Variants in MAP10 observed in about 807,000 individuals in gnomAD.
MAP10 encodes microtubule-associated protein 10.
Under a neutral mutation model 6.3 loss-of-function variants are expected in MAP10, and 10 were observed. That is an observed-to-expected ratio of 1.58 (90% CI 0.98 to 2.69). The LOEUF (loss-of-function observed/expected upper bound fraction) is 2.69. MAP10 is among the 30% of genes most tolerant of loss of function. The probability of loss-of-function intolerance (pLI) is 0.00; values close to 1 mark genes in which losing one functional copy is unlikely to be tolerated. For missense variants in MAP10, 1,189 were observed against 1,086.5 expected (o/e 1.09, Z -1.33); for synonymous variants, 459 against 429.3 (o/e 1.07, Z -0.86).
In MAP10 at chr1:232,808,196, G is replaced by T; in HGVS notation, c.*29G>T. 1.4e-6 allele frequency: 2 copies of T among 1,469,302 alleles called. No homozygotes were observed. Among genetic ancestry groups the T allele is most frequent in the South Asian group, 3.0e-5 (2 of 67,718 alleles). 91.0% of individuals were successfully genotyped at this position (1,469,302 alleles called of 1,614,324 possible). A position where few individuals can be genotyped will look rare whatever the true frequency, so the allele number is the denominator to read the frequency against. Reference sequence around the variant, plus strand: ...TACATGCTTTTAAAAAACTTTCAAGGACCTATGTGTACTGTTAGTGAAAAA... The same window carrying T: ...TACATGCTTTTAAAAAACTTTCAAGTACCTATGTGTACTGTTAGTGAAAAA... On this transcript the variant is annotated 3_prime_UTR_variant, in exon 1 of 1. Coordinates refer to ENST00000418460, the MANE Select transcript of MAP10 (RefSeq NM_019090.3).
In MAP10 at chr1:232,806,185, T is replaced by A. The variant is rs1051817655; in HGVS notation, c.736T>A (p.Leu246Met). Residue 246 changes from leucine to methionine, a missense_variant, in exon 1 of 1, where the codon TTG becomes ATG. Coordinates refer to ENST00000418460, the MANE Select transcript of MAP10 (RefSeq NM_019090.3). ...AGAAATCCCAGAGGCACAGAAGGAT[T>A]TGAAGGAAATGGTTAAAAGTAAGGC... is the stretch of plus-strand genomic sequence containing the variant. ...ELEIPEAQKD[L>M]KEMVKSKAEC... 1 of 1,613,786 alleles carries A rather than the reference T, an allele frequency of 6.2e-7. No homozygotes were observed. Among genetic ancestry groups the A allele is most frequent in the Admixed American group, 1.7e-5 (1 of 59,998 alleles).
Position 232,806,778 on chromosome 1 carries a change from C to G in MAP10, c.1329C>G (p.Cys443Trp), listed in dbSNP as rs1281044149. Residue 443 changes from cysteine to tryptophan, a missense_variant, in exon 1 of 1, where the codon TGC (cysteine) becomes TGG (tryptophan). Physicochemically the swap from Cys to Trp is radical, Grantham distance 215. Transcript: ENST00000418460. The stretch of plus-strand genomic sequence containing the variant: ...CCGAATCTTCTGCCAAATCCACATG[C>G]CGGTCTGAAGCCAAGAAGGATAAGC... ...KSPESSAKST[C>W]RSEAKKDKRS... The G allele has an allele frequency of 1.9e-6, 3 of 1,613,522 alleles. No homozygotes were observed. The highest frequency in any genetic ancestry group is 2.5e-6 in the Non-Finnish European group (3 of 1,179,814).
Position 232,805,523 on chromosome 1 carries a change from T to G in MAP10, c.74T>G (p.Leu25Arg). ...GACTGGGTGCGTTTGGAAGCCCGGC[T>G]GCTGCCGTCCCCCGCTGCCGCAGTG... is the stretch of plus-strand genomic sequence containing the variant. ...LVDWVRLEARLLPSPAAAVEQ... is the reference protein window; with the variant it reads ...LVDWVRLEARRLPSPAAAVEQ... The change falls in exon 1 of 1, where the codon CTG becomes CGG. Residue 25 changes from leucine to arginine, a missense_variant. Leu to Arg is a moderately radical substitution (Grantham distance 102). Coordinates refer to ENST00000418460, the MANE Select transcript of MAP10 (RefSeq NM_019090.3). The G allele has an allele frequency of 6.4e-7, 1 of 1,566,086 alleles. No individual in the cohort carries two copies. Among genetic ancestry groups the G allele is most frequent in the South Asian group, 1.2e-5 (1 of 86,068 alleles).
chr1:232,806,810 TG>T, the MAP10 span: 276 of 1,613,126 alleles, frequency 1.7e-4, no homozygotes, highest in Non-Finnish European at 2.3e-4. Context: ...AAGCGTTCTG[TG>T]GGGGGATGTG....
In MAP10 at chr1:232,806,058, A is replaced by G. The variant is rs767942404; in HGVS notation, c.609A>G (p.Gly203=). ...ERPLTFTRTG[G]GAEVSPQTQQ... Reference sequence around the variant, plus strand: ...CCCTCACCTTCACCCGCACAGGAGGAGGAGCGGAGGTCAGTCCCCAAACCC... The same window carrying G: ...CCCTCACCTTCACCCGCACAGGAGGGGGAGCGGAGGTCAGTCCCCAAACCC... The change falls in exon 1 of 1, where the codon GGA becomes GGG. Residue 203 remains glycine (G), a synonymous_variant. Coordinates refer to ENST00000418460, the MANE Select transcript of MAP10 (RefSeq NM_019090.3). 3.7e-6 allele frequency: 6 copies of G among 1,613,968 alleles called. No individual in the cohort carries two copies. In the South Asian group the frequency reaches 6.6e-5, roughly 18 times the overall value.
chr1:232,807,177 AAGACAAATC>A lies in MAP10; in HGVS notation c.1731_1739del (p.Arg577_Ile579del). On this transcript the variant is annotated inframe_deletion, in exon 1 of 1. Coordinates refer to ENST00000418460, the MANE Select transcript of MAP10 (RefSeq NM_019090.3). ...CTTTCACTGAAAATAGTGATACCTC[AAGACAAATC>A]AGTGGAGTTTTTGATGAGCCCAGCA... is the stretch of plus-strand genomic sequence containing the variant. The A allele has an allele frequency of 6.2e-7, 1 of 1,613,376 alleles. No individual in the cohort carries two copies. The highest frequency in any genetic ancestry group is 8.5e-7 in the Non-Finnish European group (1 of 1,179,520).
chr1:232,807,291 A>T lies in MAP10; in HGVS notation c.1842A>T (p.Ser614=). Residue 614 remains serine (S), a synonymous_variant, in exon 1 of 1, where the codon TCA becomes TCT. Coordinates refer to ENST00000418460, the MANE Select transcript of MAP10 (RefSeq NM_019090.3). ...GTAAAAATAGAATCAATAATGTTTC[A>T]TTGGAAGAAGTTGTGAGTCCTGCAA... is the stretch of plus-strand genomic sequence containing the variant. ...DCSKNRINNV[S]LEEVVSPANS... is the part of the protein sequence containing the mutation. 1 of 1,613,652 alleles carries T rather than the reference A, an allele frequency of 6.2e-7. No homozygotes were observed. The highest frequency in any genetic ancestry group is 1.1e-5 in the South Asian group (1 of 90,956).
Position 232,806,730 on chromosome 1 carries a change from T to C in MAP10, c.1281T>C (p.Tyr427=), listed in dbSNP as rs767900297. 2 of 1,613,756 alleles carry C rather than the reference T, an allele frequency of 1.2e-6. No homozygotes were observed. The highest frequency in any genetic ancestry group is 1.7e-6 in the Non-Finnish European group (2 of 1,179,894). Residue 427 remains tyrosine, a synonymous_variant, in exon 1 of 1, where the codon TAT becomes TAC. Transcript: ENST00000418460. ...AHIHPHLAWL[Y]RTEDKKSPES... ...TACATCCTCACCTAGCCTGGTTATATAGGACTGAGGATAAGAAGTCACCCG... is the reference window on the plus strand; with the variant it reads ...TACATCCTCACCTAGCCTGGTTATACAGGACTGAGGATAAGAAGTCACCCG...
chr1:232,808,446 T>TG lies in MAP10; in HGVS notation c.*279_*280insG. The TG allele has an allele frequency of 8.7e-6, 2 of 229,974 alleles. No individual in the cohort carries two copies. Among genetic ancestry groups the TG allele is most frequent in the Non-Finnish European group, 1.8e-5 (2 of 109,822 alleles). The allele number at this position is 229,974 out of a possible 1,614,324, so 14.2% of individuals were successfully genotyped here. ...AGTGTCTAGTCTACAGTATTGATCA[T>TG]TCTAAAGCTGACTTCATGCACACCA... On this transcript the variant is annotated 3_prime_UTR_variant, in exon 1 of 1. Coordinates refer to ENST00000418460, the MANE Select transcript of MAP10 (RefSeq NM_019090.3).
At position 232,809,190 on chromosome 1, in the gene MAP10, C is replaced by G. The variant is rs989233145; in HGVS notation, c.*1023C>G. On this transcript the variant is annotated 3_prime_UTR_variant, in exon 1 of 1. Transcript: ENST00000418460. Reference sequence around the variant, plus strand: ...ATCCAGTGATAATTTATAATTTATTCCATTGGTTTTATATTTAGACTTTAT... The same window carrying G: ...ATCCAGTGATAATTTATAATTTATTGCATTGGTTTTATATTTAGACTTTAT... Among the ~76,000 whole-genome samples, 1 of 151,752 alleles carries G rather than the reference C, an allele frequency of 6.6e-6. No individual in the cohort carries two copies. The highest frequency in any genetic ancestry group is 1.5e-5 in the Non-Finnish European group (1 of 67,860).
At position 232,809,513 on chromosome 1, in the gene MAP10, C is replaced by T. The variant is rs1446751896; in HGVS notation, c.*1346C>T. Among the ~76,000 whole-genome samples the T allele has an allele frequency of 1.3e-5, 2 of 151,990 alleles. No individual in the cohort carries two copies. The highest frequency in any genetic ancestry group is 3.9e-4 in the East Asian group (2 of 5,192). ...ATTATCTTGAATAGAATGATCCACT[C>T]ATGCTACAGAGTGGTAGAAAGGACA... On this transcript the variant is annotated 3_prime_UTR_variant, in exon 1 of 1. Coordinates refer to ENST00000418460, the MANE Select transcript of MAP10 (RefSeq NM_019090.3).
Position 232,807,671 on chromosome 1 carries a change from C to T in MAP10, c.2222C>T (p.Thr741Ile). 6.2e-7 allele frequency: 1 copy of T among 1,612,432 alleles called. No homozygotes were observed. ...RTENPKHSQY[T>I]SKSSDTGVSK... The stretch of plus-strand genomic sequence containing the variant: ...GAAAATCCAAAACATAGTCAATATA[C>T]AAGCAAGTCTAGTGACACAGGAGTG... Residue 741 changes from threonine to isoleucine, a missense_variant, in exon 1 of 1, where the codon ACA (threonine) becomes ATA (isoleucine). By Grantham distance (89) the Thr-to-Ile change is moderately conservative. Coordinates refer to ENST00000418460, the MANE Select transcript of MAP10 (RefSeq NM_019090.3).
In MAP10 at chr1:232,806,370, T is replaced by C; in HGVS notation, c.921T>C (p.Thr307=). ...TTTGCCCTCCTCCTTTGTATTACAC[T>C]AACTTGACCCAAGAAAAACCGCCCC... ...NIFCPPPLYY[T]NLTQEKPPPA... The change falls in exon 1 of 1, where the codon ACT becomes ACC. Residue 307 remains threonine, a synonymous_variant. Coordinates refer to ENST00000418460, the MANE Select transcript of MAP10 (RefSeq NM_019090.3). 3 of 1,613,874 alleles carry C rather than the reference T, an allele frequency of 1.9e-6. No individual in the cohort carries two copies. Among genetic ancestry groups the C allele is most frequent in the Non-Finnish European group, 2.5e-6 (3 of 1,179,880 alleles).
In MAP10 at chr1:232,808,739, T is replaced by G. The variant is rs1202152526; in HGVS notation, c.*572T>G. On this transcript the variant is annotated 3_prime_UTR_variant, in exon 1 of 1. Transcript: ENST00000418460. ...TGTTTATAAGCCACAATTTGTGTGA[T>G]TACTTGATTAAAGTTTATCTTCCAC... is the stretch of plus-strand genomic sequence containing the variant. Among the ~76,000 whole-genome samples, 5 of 152,172 alleles carry G rather than the reference T, an allele frequency of 3.3e-5. No individual in the cohort carries two copies.
chr1:232,805,728 G>T lies in MAP10; in HGVS notation c.279G>T (p.Lys93Asn). Reference protein sequence around the residue: ...WPGVIRFGRGKSCLFRLQPAT... With the variant: ...WPGVIRFGRGNSCLFRLQPAT... ...GTGTCATCCGCTTCGGTCGCGGCAA[G>T]TCCTGCCTCTTCCGCCTGCAGCCTG... The change falls in exon 1 of 1, where the codon AAG becomes AAT. Residue 93 changes from lysine (K) to asparagine (N), a missense_variant. Transcript: ENST00000418460. The T allele has an allele frequency of 6.2e-7, 1 of 1,604,520 alleles. No homozygotes were observed.
In MAP10 at chr1:232,807,215, G is replaced by C. The variant is rs1286358232; in HGVS notation, c.1766G>C (p.Ser589Thr). ...ISGVFDEPST[S>T]KETKLKYATE... ...GGAGTTTTTGATGAGCCCAGCACAA[G>C]TAAAGAAACTAAACTGAAATATGCA... Residue 589 changes from serine to threonine, a missense_variant, in exon 1 of 1, where the codon AGT becomes ACT. Ser to Thr is a moderately conservative substitution (Grantham distance 58). Coordinates refer to ENST00000418460, the MANE Select transcript of MAP10 (RefSeq NM_019090.3). 1 of 1,613,418 alleles carries C rather than the reference G, an allele frequency of 6.2e-7. No homozygotes were observed. Among genetic ancestry groups the C allele is most frequent in the Non-Finnish European group, 8.5e-7 (1 of 1,179,760 alleles).
At position 232,805,582 on chromosome 1, in the gene MAP10, G is replaced by C; in HGVS notation, c.133G>C (p.Gly45Arg). The C allele has an allele frequency of 6.4e-7, 1 of 1,556,890 alleles. No individual in the cohort carries two copies. Among genetic ancestry groups the C allele is most frequent in the East Asian group, 2.4e-5 (1 of 41,482 alleles). The change falls in exon 1 of 1, where the codon GGG (glycine) becomes CGG (arginine). Residue 45 changes from glycine (G) to arginine (R), a missense_variant. Physicochemically the swap from Gly to Arg is moderately radical, Grantham distance 125. Transcript: ENST00000418460. ...QEEEEEEKEQ[G>R]EASSPRGLCP... ...GGAGGAAGAGGAGGAAAAGGAGCAG[G>C]GGGAGGCCTCGTCGCCGCGCGGTCT...
chr1:232,806,942 G>T lies in MAP10; in HGVS notation c.1493G>T (p.Gly498Val). 1 of 1,610,034 alleles carries T rather than the reference G, an allele frequency of 6.2e-7. No individual in the cohort carries two copies. Among genetic ancestry groups the T allele is most frequent in the Non-Finnish European group, 8.5e-7 (1 of 1,178,980 alleles). The change falls in exon 1 of 1, where the codon GGC becomes GTC. Residue 498 changes from glycine (G) to valine (V), a missense_variant. Gly to Val is a moderately radical substitution (Grantham distance 109, BLOSUM62 -3). Coordinates refer to ENST00000418460, the MANE Select transcript of MAP10 (RefSeq NM_019090.3). ...GTTCCAAAAGGGAGGCTACTTTATG[G>T]CTTAACAAATACACTAAGACTACGT... ...KRVPKGRLLY[G>V]LTNTLRLRLK...
chr1:232,807,329 C>G lies in MAP10; in HGVS notation c.1880C>G (p.Pro627Arg). The G allele has an allele frequency of 6.2e-7, 1 of 1,613,812 alleles. No homozygotes were observed. The highest frequency in any genetic ancestry group is 1.1e-5 in the South Asian group (1 of 91,058). Residue 627 changes from proline to arginine, a missense_variant, in exon 1 of 1, where the codon CCA becomes CGA. Coordinates refer to ENST00000418460, the MANE Select transcript of MAP10 (RefSeq NM_019090.3). ...GTGAGTCCTGCAAATTCCATTATTC[C>G]AGAAAGGCTTACCCCTACAAATATT... ...EVVSPANSII[P>R]ERLTPTNILG...
Sources: allele counts gnomAD v4.1 joint callset (sites outside exome capture counted in the v4.1 genomes callset), GRCh38; gene constraint gnomAD v4.1.1; transcripts MANE v1.5; gene names NCBI Gene and HGNC (gene_info 2026-07-23, HGNC 2026-07-21).